Variants in PARD3B observed in about 807,000 individuals in gnomAD.
PARD3B encodes partitioning defective 3 homolog B.
In PARD3B, 103 loss-of-function variants were observed where a neutral mutation model predicts 130.2. That is an observed-to-expected ratio of 0.79 (90% CI 0.67 to 0.93). The LOEUF (loss-of-function observed/expected upper bound fraction) is 0.93. Ranked by LOEUF, PARD3B falls within the 40% of genes least tolerant of loss-of-function variation. The probability of loss-of-function intolerance (pLI) is 0.00; values close to 1 mark genes in which losing one functional copy is unlikely to be tolerated. For missense variants in PARD3B, 1,609 were observed against 1,499.2 expected, an observed-to-expected ratio of 1.07 and a Z score of -1.21; for synonymous variants, 583 against 553.2, an observed-to-expected ratio of 1.05 and a Z score of -0.76.
Position 205,440,752 on chromosome 2 carries a change from A to G in PARD3B, c.3044+80A>G. ...TCTCTACTGCTGAAACCGATAAAAA[A>G]TGTCTCCTTCAATCAATTAAAACTG... is the stretch of plus-strand genomic sequence containing the variant. On this transcript the variant is annotated intron_variant, in intron 20 of 22. Coordinates refer to ENST00000406610, the MANE Select transcript of PARD3B (RefSeq NM_001302769.2). This position sits in a 1 kb window ranked among gnomAD's most constrained non-coding sequence, Gnocchi z 4.2. 7.1e-7 allele frequency: 1 copy of G among 1,406,514 alleles called. No individual in the cohort carries two copies. Among genetic ancestry groups the G allele is most frequent in the Admixed American group, 2.0e-5 (1 of 48,856 alleles). The allele number at this position is 1,406,514 out of a possible 1,614,324, so 87.1% of individuals were successfully genotyped here. A position where few individuals can be genotyped will look rare whatever the true frequency, so the allele number is the denominator to read the frequency against.
At chr2:205,455,852 CAGGT>C (rs2048256914) in intron 20 of PARD3B, among the ~76,000 whole-genome samples, 2 of 152,002 alleles carry the variant, frequency 1.3e-5, no homozygotes, top group Non-Finnish European at 2.9e-5. Flanking sequence ...TTTTGTCACA[CAGGT>C]AGATCCACGT....
At chr2:205,519,261 GT>G (rs904542150) in intron 21 of PARD3B, among the ~76,000 whole-genome samples, 2 of 152,088 alleles carry the variant, frequency 1.3e-5, no homozygotes, top group Non-Finnish European at 2.9e-5. Flanking sequence ...CTTTCCAGAG[GT>G]TTTGTTCATT....
At chr2:205,448,630 T>G (rs1184084360) in intron 20 of PARD3B, among the ~76,000 whole-genome samples, 1 of 152,188 alleles carries the variant, frequency 6.6e-6, no homozygotes, top group Non-Finnish European at 1.5e-5. Flanking sequence ...AGCCTCATAT[T>G]TAATCATTGT....
chr2:205,513,214 A>G (rs573061766), intron 21 of PARD3B, among the ~76,000 whole-genome samples: 29 of 152,204 alleles, frequency 1.9e-4, no homozygotes, highest in African/African-American at 6.7e-4. Flanking sequence ...TGAATTGATG[A>G]TCAGAAAAAA....
chr2:204,723,603 A>G (rs546391295), intron 2 of PARD3B, among the ~76,000 whole-genome samples: 1 of 152,214 alleles, frequency 6.6e-6, no homozygotes, highest in South Asian at 2.1e-4. Flanking sequence ...TTAAAGCCAC[A>G]TTCTGTTTTT....
At chr2:204,868,565 G>T (rs1253807721) in intron 2 of PARD3B, among the ~76,000 whole-genome samples, 2 of 152,126 alleles carry the variant, frequency 1.3e-5, no homozygotes, top group Non-Finnish European at 2.9e-5. Flanking sequence ...AGATGAGGAA[G>T]ACCGTGAAAC....
At chr2:205,243,077 A>C (rs1165837614) in intron 15 of PARD3B, among the ~76,000 whole-genome samples, 1 of 152,110 alleles carries the variant, frequency 6.6e-6, no homozygotes, top group African/African-American at 2.4e-5. Context: ...GAGGCAGAAG[A>C]ATTGGTTGAA....
At chr2:205,242,608 C>T (rs1202373800) in intron 15 of PARD3B, among the ~76,000 whole-genome samples, 1 of 152,096 alleles carries the variant, frequency 6.6e-6, no homozygotes, top group Non-Finnish European at 1.5e-5. Context: ...GTACCTAGTG[C>T]CCGGCTGAAG....
rs1464967178 is a variant in PARD3B, at chr2:205,281,041, G to A, written c.2186-19489G>A. Among the ~76,000 whole-genome samples the A allele has an allele frequency of 1.3e-5, 2 of 152,044 alleles. No individual in the cohort carries two copies. Among genetic ancestry groups the A allele is most frequent in the Non-Finnish European group, 2.9e-5 (2 of 68,012 alleles). ...CACTGTGAAAGCCTTTTTATTAGTC[G>A]AGCTCTGCCATTTTCGATGCTCTGG... On this transcript the variant is annotated intron_variant, in intron 16 of 22. Transcript: ENST00000406610. The surrounding 1 kb of genome is among the most constrained non-coding windows in gnomAD (Gnocchi z 4.2).
chr2:204,647,588 G>A (rs2035318128), intron 1 of PARD3B, among the ~76,000 whole-genome samples: 1 of 151,716 alleles, frequency 6.6e-6, no homozygotes, highest in African/African-American at 2.4e-5. Context: ...AAAGTACCCT[G>A]GAGTGGTACA....
At chr2:204,792,926 C>T (rs562862089) in intron 2 of PARD3B, among the ~76,000 whole-genome samples, 3 of 151,292 alleles carry the variant, frequency 2.0e-5, no homozygotes, top group Admixed American at 6.6e-5. Flanking sequence ...TAGACCCGTT[C>T]ATCACCTGAA....
chr2:205,007,045 G>A (rs80283369), intron 3 of PARD3B, among the ~76,000 whole-genome samples: 2,097 of 152,224 alleles, frequency 0.014, 28 homozygotes, highest in East Asian at 0.045. Flanking sequence ...CACGTGTTGA[G>A]GGTGGGACCT....
chr2:204,871,538 A>G (rs1013735211), intron 2 of PARD3B, among the ~76,000 whole-genome samples: 1 of 152,100 alleles, frequency 6.6e-6, no homozygotes, highest in Non-Finnish European at 1.5e-5. Context: ...TATGTTTTGT[A>G]TTTTTTAAAC....
intron 2 of PARD3B, among the ~76,000 whole-genome samples, chr2:204,834,414 T>C (rs1361159014): frequency 2.0e-5 from 3 of 152,168 alleles, no homozygotes; most frequent in African/African-American, 7.2e-5. Context: ...TTTTACATGA[T>C]TGAATAATTG....
intron 10 of PARD3B, among the ~76,000 whole-genome samples, chr2:205,152,316 G>A (rs1432895932): frequency 6.6e-6 from 1 of 152,106 alleles, no homozygotes; most frequent in Non-Finnish European, 1.5e-5. Context: ...GCCTTGCTAG[G>A]TTGGGGAAGT....
At chr2:204,737,509 A>G (rs1162797849) in intron 2 of PARD3B, among the ~76,000 whole-genome samples, 1 of 151,860 alleles carries the variant, frequency 6.6e-6, no homozygotes, top group Non-Finnish European at 1.5e-5. Context: ...CTTTGCAAAT[A>G]TTTTCTCCCA....
chr2:205,260,242 C>T (rs758971386), intron 16 of PARD3B, among the ~76,000 whole-genome samples: 3 of 152,162 alleles, frequency 2.0e-5, no homozygotes, highest in Non-Finnish European at 4.4e-5. Context: ...ATACCTATGT[C>T]AGCTGCTCAG....
At chr2:205,104,735 A>T (rs1703079734) in intron 5 of PARD3B, among the ~76,000 whole-genome samples, 1 of 152,146 alleles carries the variant, frequency 6.6e-6, no homozygotes, top group Admixed American at 6.5e-5. Flanking sequence ...TAATCCATCC[A>T]ATACTCTTCT....
intron 2 of PARD3B, among the ~76,000 whole-genome samples, chr2:204,918,215 A>G (rs1375901963): frequency 6.6e-6 from 1 of 152,244 alleles, no homozygotes; most frequent in Non-Finnish European, 1.5e-5. Flanking sequence ...GTAAGATGAA[A>G]GCTGTTGGAT....
Sources: gnomAD v4.1 joint callset for allele counts (sites outside exome capture counted in the v4.1 genomes callset) on GRCh38, gnomAD v4.1.1 for gene constraint, Gnocchi (gnomAD v3.1) non-coding constraint, MANE v1.5 for transcripts, NCBI Gene and HGNC (gene_info 2026-07-23, HGNC 2026-07-21) for gene names.